The following TTC6 variants were observed in gnomAD, a reference collection of about 807,000 sequenced individuals.
TTC6 encodes the protein tetratricopeptide repeat domain 6.
Under a neutral mutation model 210.4 loss-of-function variants are expected in TTC6, and 172 were observed. The ratio of observed to expected loss-of-function variants is 0.82; its 90% CI spans 0.72 to 0.93. TTC6 has a LOEUF of 0.93. Among genes scored for constraint, TTC6 ranks in the 40% least tolerant of loss-of-function variants. The pLI, the probability that TTC6 is intolerant of heterozygous loss-of-function variation, is 0.00. For missense variants in TTC6, 2,414 were observed against 2,318.1 expected (o/e 1.04, Z -0.85); for synonymous variants, 804 against 819.6 (o/e 0.98, Z 0.32).
intron 7 of TTC6, 134 bp from the exon 10 acceptor site, chr14:37,735,787 T>C (rs761377688): frequency 4.9e-5 from 28 of 570,462 alleles, no homozygotes; most frequent in South Asian, 4.8e-4. Context: ...AAGTGTTTTC[T>C]AGAATTATAC....
At chr14:37,795,434 C>A (rs2096090436) in intron 18 of TTC6, 82 bp downstream of exon 20, 4 of 840,632 alleles carry the variant, frequency 4.8e-6, no homozygotes, top group Admixed American at 6.6e-5. Context: ...CCCTCTTGAA[C>A]CTTTCAGGCT....
chr14:37,807,041 T>C (rs1278904817), intron 22 of TTC6, among the ~76,000 whole-genome samples: 2 of 152,186 alleles, frequency 1.3e-5, no homozygotes, highest in African/African-American at 4.8e-5. Flanking sequence ...GGGTAAAGTA[T>C]TACCATATCT....
intron 1 of TTC6, among the ~76,000 whole-genome samples, chr14:37,636,605 C>T (rs896421703): frequency 1.3e-5 from 2 of 151,926 alleles, no homozygotes; most frequent in African/African-American, 2.4e-5. Context: ...ATACCACAGC[C>T]GTAGTAATGA....
intron 1 of TTC6, among the ~76,000 whole-genome samples, chr14:37,634,154 A>C (rs2095675491): frequency 6.6e-6 from 1 of 152,218 alleles, no homozygotes; most frequent in Non-Finnish European, 1.5e-5. Context: ...GAGATGTTGG[A>C]ATTATCTAAC....
At chr14:37,635,808 G>A (rs2095679071) in intron 1 of TTC6, among the ~76,000 whole-genome samples, 1 of 151,716 alleles carries the variant, frequency 6.6e-6, no homozygotes, top group Admixed American at 6.6e-5. Flanking sequence ...GTGAAACCCT[G>A]TCTCTACCAA....
chr14:37,648,624 G>A (rs535238594), intron 1 of TTC6, among the ~76,000 whole-genome samples: 1 of 152,194 alleles, frequency 6.6e-6, no homozygotes, highest in South Asian at 2.1e-4. Context: ...GTATAAGAGA[G>A]GGATTATATT....
At chr14:37,824,436 G>T (rs1041021908) in intron 27 of TTC6, among the ~76,000 whole-genome samples, 4 of 152,152 alleles carry the variant, frequency 2.6e-5, no homozygotes, top group African/African-American at 7.2e-5. Context: ...GATTTCCAAG[G>T]CAGCTAGAGC....
intron 14 of TTC6, among the ~76,000 whole-genome samples, chr14:37,771,709 AT>A (rs1418463599): frequency 6.6e-6 from 1 of 151,720 alleles, no homozygotes; most frequent in Non-Finnish European, 1.5e-5. Flanking sequence ...ATTCTTCCAA[AT>A]TTTTTTCAAA....
At chr14:37,650,348 G>T (rs1357071649) in intron 1 of TTC6, among the ~76,000 whole-genome samples, 1 of 152,080 alleles carries the variant, frequency 6.6e-6, no homozygotes, top group Non-Finnish European at 1.5e-5. Context: ...TGTAATTTTT[G>T]TTTCCTCCTC....
At chr14:37,804,804 A>G (rs202090619) in exon 21 of TTC6, 3 of 1,613,692 alleles carry the variant, frequency 1.9e-6, no homozygotes, top group South Asian at 2.2e-5. Context: ...GAGGAAGGCA[A>G]TTTACAAATG....
intron 3 of TTC6, among the ~76,000 whole-genome samples, chr14:37,694,742 AGC>A (rs1449445138): frequency 6.6e-6 from 1 of 152,164 alleles, no homozygotes; most frequent in Non-Finnish European, 1.5e-5. Flanking sequence ...AATACTATTC[AGC>A]CATGAAAAAG....
chr14:37,657,875 C>T lies in TTC6; in HGVS notation c.940-22276C>T, dbSNP rs149443523. Among the ~76,000 whole-genome samples, 20 of 152,136 alleles carry T rather than the reference C, an allele frequency of 1.3e-4. 1 individual carries two copies. In the East Asian group the frequency reaches 3.5e-3, roughly 26 times the overall value. ...TTTGATTTTTTTTGTATGTACCAAC[C>T]GTTAAAAACATTTTTGTCTGACCTT... On this transcript the variant is annotated intron_variant, in intron 1 of 30. Coordinates refer to ENST00000553443, the Ensembl canonical transcript of TTC6.
intron 10 of TTC6, among the ~76,000 whole-genome samples, chr14:37,744,481 C>T (rs2095930073): frequency 6.6e-6 from 1 of 152,084 alleles, no homozygotes; most frequent in Non-Finnish European, 1.5e-5. Context: ...CTGAAGTGGT[C>T]ATAACAAGTG....
chr14:37,774,746 C>T (rs1190221452), intron 14 of TTC6, among the ~76,000 whole-genome samples: 1 of 152,098 alleles, frequency 6.6e-6, no homozygotes, highest in Non-Finnish European at 1.5e-5. Context: ...TAATGCTGGC[C>T]ACATAGAATG....
intron 14 of TTC6, among the ~76,000 whole-genome samples, chr14:37,782,942 G>A (rs1482558684): frequency 6.6e-6 from 1 of 152,150 alleles, no homozygotes; most frequent in Non-Finnish European, 1.5e-5. Context: ...ATTGATTCGT[G>A]TATGTTGAAT....
chr14:37,605,236 G>T (rs149788467), intron 1 of TTC6, among the ~76,000 whole-genome samples: 16 of 152,290 alleles, frequency 1.1e-4, no homozygotes, highest in African/African-American at 3.1e-4. Context: ...GTTTGGAAGG[G>T]CTGCAGTTCA....
At chr14:37,838,203 A>G (rs1285016541) in intron 29 of TTC6, among the ~76,000 whole-genome samples, 1 of 152,188 alleles carries the variant, frequency 6.6e-6, no homozygotes, top group Non-Finnish European at 1.5e-5. Context: ...GATTAGCAGG[A>G]TGTCTAATCA....
Position 37,807,429 on chromosome 14 carries a change from TC to T in TTC6, c.4425del (p.Tyr1476ThrfsTer5), listed in dbSNP as rs967158638. 3.3e-6 allele frequency: 5 copies of T among 1,516,466 alleles called. No individual in the cohort carries two copies. The African/African-American group carries it at 5.5e-5, about 17-fold the overall frequency. 93.9% of individuals were successfully genotyped at this position (1,516,466 alleles called of 1,614,324 possible). A position where few individuals can be genotyped will look rare whatever the true frequency, so the allele number is the denominator to read the frequency against. On this transcript the variant is annotated frameshift_variant, in exon 23 of 31. Coordinates refer to ENST00000553443, the Ensembl canonical transcript of TTC6. LOFTEE classifies it high-confidence loss of function. ...TACCCTGAAAGCGTACGTGCCTATC[TC>T]TACAGAGGAGTTCTGAAATACTACA...
chr14:37,835,046 C>T (rs373149421), intron 29 of TTC6, among the ~76,000 whole-genome samples: 4 of 152,122 alleles, frequency 2.6e-5, no homozygotes, highest in African/African-American at 9.7e-5. Flanking sequence ...CCAGGCAGTC[C>T]AGTCCTCAGG....
Sources: gnomAD v4.1 joint callset for allele counts (sites outside exome capture counted in the v4.1 genomes callset) on GRCh38, gnomAD v4.1.1 for gene constraint, MANE v1.5 for transcripts, NCBI Gene and HGNC (gene_info 2026-07-23, HGNC 2026-07-21) for gene names.